ADGB: variants seen among roughly 807,000 people sequenced by gnomAD.
The protein encoded by ADGB is androglobin, also known as calpain-7-like protein.
In ADGB, 172 loss-of-function variants were observed where a neutral mutation model predicts 210.5. The observed-to-expected ratio is 0.82, with a 90% CI of 0.72 to 0.93. The LOEUF (loss-of-function observed/expected upper bound fraction) is 0.93, where lower values mean the gene tolerates loss of function less well. Among genes scored for constraint, ADGB ranks in the 40% least tolerant of loss-of-function variants. ADGB has a pLI of 0.00. For synonymous variants in ADGB, 658 were observed against 662.7 expected, an observed-to-expected ratio of 0.99 and a Z score of 0.11; for missense variants, 2,025 against 1,964.8, an observed-to-expected ratio of 1.03 and a Z score of -0.58.
chr6:146,813,374 C>G (rs1258410984), intron 35 of ADGB, among the ~76,000 whole-genome samples: 1 of 152,058 alleles, frequency 6.6e-6, no homozygotes, highest in African/African-American at 2.4e-5. Flanking sequence ...GTGTTCTCAC[C>G]TGTGCCAACC....
At chr6:146,754,977 C>A (rs1373864947) in intron 27 of ADGB, among the ~76,000 whole-genome samples, 1 of 151,812 alleles carries the variant, frequency 6.6e-6, no homozygotes, top group Non-Finnish European at 1.5e-5. Context: ...ATTAAGATCA[C>A]CTATTTTTAT....
chr6:146,718,462 C>G (rs1776768416), intron 16 of ADGB, among the ~76,000 whole-genome samples: 1 of 152,046 alleles, frequency 6.6e-6, no homozygotes, highest in Non-Finnish European at 1.5e-5. Flanking sequence ...CCCATTCTTC[C>G]CCCTACTTAC....
intron 30 of ADGB, 52 bp downstream of exon 30, chr6:146,782,244 G>A: frequency 7.1e-7 from 1 of 1,415,750 alleles, no homozygotes; most frequent in Admixed American, 3.1e-5. Flanking sequence ...TAGGTTCAGT[G>A]GATTCCTATT....
intron 1 of ADGB, among the ~76,000 whole-genome samples, chr6:146,623,708 A>G (rs567650222): frequency 6.6e-6 from 1 of 152,030 alleles, no homozygotes; most frequent in Admixed American, 6.6e-5. Context: ...ACTAAGTATG[A>G]TGTCAGTTCC....
At chr6:146,600,954 A>G (rs1297854747) in intron 1 of ADGB, among the ~76,000 whole-genome samples, 1 of 151,884 alleles carries the variant, frequency 6.6e-6, no homozygotes, top group Non-Finnish European at 1.5e-5. Flanking sequence ...ACACACACAC[A>G]CACACACACA....
At position 146,739,892 on chromosome 6, in the gene ADGB, G is replaced by A. The variant is rs530227352; in HGVS notation, c.2889-567G>A. On this transcript the variant is annotated intron_variant, in intron 23 of 35. Transcript: ENST00000397944. ...TGTCACAGCCTTCCAGGGGGAAAAC[G>A]TGGAGAAACCTCAGCTCCATAATTA... Among the ~76,000 whole-genome samples, 7 of 152,302 alleles carry A rather than the reference G, an allele frequency of 4.6e-5. No homozygotes were observed. In the East Asian group the frequency reaches 5.8e-4, roughly 13 times the overall value.
intron 5 of ADGB, among the ~76,000 whole-genome samples, chr6:146,657,248 C>G (rs551719815): frequency 3.3e-5 from 5 of 151,452 alleles, no homozygotes; most frequent in African/African-American, 1.2e-4. Flanking sequence ...ATTGCTTGAA[C>G]CCGGGAGGCA....
chr6:146,684,544 A>G (rs965189044), intron 9 of ADGB, among the ~76,000 whole-genome samples: 4 of 152,136 alleles, frequency 2.6e-5, no homozygotes, highest in Non-Finnish European at 4.4e-5. Flanking sequence ...GTGCATGAAA[A>G]GTATTTTCAT....
chr6:146,646,554 T>TC (rs2114873814), intron 3 of ADGB, among the ~76,000 whole-genome samples: 1 of 152,254 alleles, frequency 6.6e-6, no homozygotes, highest in Admixed American at 6.6e-5. Flanking sequence ...CAAGACTCTG[T>TC]AACTTAACAG....
At chr6:146,792,396 C>A (rs901242131) in intron 33 of ADGB, among the ~76,000 whole-genome samples, 1 of 152,130 alleles carries the variant, frequency 6.6e-6, no homozygotes, top group Non-Finnish European at 1.5e-5. Context: ...CAATTTCTTT[C>A]ATCAATATTT....
intron 35 of ADGB, chr6:146,807,498 T>G (rs745630369): frequency 1.9e-6 from 3 of 1,551,444 alleles, no homozygotes; most frequent in South Asian, 1.2e-5. Flanking sequence ...GGAAGCTCTC[T>G]CTGCTCAGGA....
At chr6:146,735,660 G>A (rs138104530) in intron 22 of ADGB, among the ~76,000 whole-genome samples, 1 of 152,228 alleles carries the variant, frequency 6.6e-6, no homozygotes, top group Non-Finnish European at 1.5e-5. Flanking sequence ...CATATATGTT[G>A]TAAAAATTTA....
At chr6:146,760,478 GA>G (rs1489065303) in intron 27 of ADGB, among the ~76,000 whole-genome samples, 1 of 151,736 alleles carries the variant, frequency 6.6e-6, no homozygotes, top group Non-Finnish European at 1.5e-5. Context: ...CCATTGTATG[GA>G]GATACCACAC....
chr6:146,648,075 T>C (rs1775647784), intron 3 of ADGB, among the ~76,000 whole-genome samples: 1 of 152,136 alleles, frequency 6.6e-6, no homozygotes, highest in Non-Finnish European at 1.5e-5. Flanking sequence ...TGTGGTCTTT[T>C]TAAAATAATA....
chr6:146,677,940 T>TAACAAAG (rs1273187547), intron 9 of ADGB, among the ~76,000 whole-genome samples: 1 of 152,230 alleles, frequency 6.6e-6, no homozygotes, highest in Non-Finnish European at 1.5e-5. Flanking sequence ...GCATATTTAT[T>TAACAAAG]GCAAAAGCCT....
chr6:146,761,915 T>C (rs1282220064), intron 27 of ADGB, among the ~76,000 whole-genome samples: 1 of 152,112 alleles, frequency 6.6e-6, no homozygotes, highest in Non-Finnish European at 1.5e-5. Context: ...GATCCTGGTA[T>C]TCCTTGTCTT....
At chr6:146,762,206 T>C (rs976091468) in intron 27 of ADGB, among the ~76,000 whole-genome samples, 2 of 152,134 alleles carry the variant, frequency 1.3e-5, no homozygotes, top group Non-Finnish European at 2.9e-5. Context: ...GAATCACTTA[T>C]CCTCTTTTGA....
intron 2 of ADGB, among the ~76,000 whole-genome samples, chr6:146,643,758 C>T (rs759132547): frequency 7.2e-5 from 11 of 151,906 alleles, no homozygotes; most frequent in Non-Finnish European, 1.5e-4. Context: ...AAACAGCCCA[C>T]ATGTTCTTCA....
At chr6:146,785,913 A>G (rs940597885) in intron 32 of ADGB, among the ~76,000 whole-genome samples, 2 of 151,994 alleles carry the variant, frequency 1.3e-5, no homozygotes, top group African/African-American at 4.8e-5. Context: ...ACATTTTCCC[A>G]TTTAAGTCCT....
Sources: allele counts gnomAD v4.1 joint callset (sites outside exome capture counted in the v4.1 genomes callset), GRCh38; gene constraint gnomAD v4.1.1; transcripts MANE v1.5; gene names NCBI Gene and HGNC (gene_info 2026-07-23, HGNC 2026-07-21).